Variants in LRCH1 observed in about 807,000 individuals in gnomAD.
LRCH1 encodes the protein leucine rich repeats and calponin homology domain containing 1.
Under a neutral mutation model 94.9 loss-of-function variants are expected in LRCH1, and 23 were observed. The ratio of observed to expected loss-of-function variants is 0.24; its 90% CI spans 0.17 to 0.34. The LOEUF is 0.34. Among genes scored for constraint, LRCH1 ranks in the 10% least tolerant of loss-of-function variants. The probability of loss-of-function intolerance (pLI) is 1.00; values close to 1 mark genes in which losing one functional copy is unlikely to be tolerated. For missense variants in LRCH1, 790 were observed against 945.9 expected, an observed-to-expected ratio of 0.84 and a Z score of 2.16; for synonymous variants, 364 against 354.9, an observed-to-expected ratio of 1.03 and a Z score of -0.29.
chr13:46,711,724 T>C, intron 13 of LRCH1, 67 bp from the exon 14 acceptor site: 1 of 1,213,068 alleles, frequency 8.2e-7, no homozygotes, highest in South Asian at 1.3e-5. Flanking sequence ...GTAAGAAAGA[T>C]GAATTTCTTG....
At chr13:46,751,411 T>C (rs572524677) in exon 19 of LRCH1, 4 of 152,282 alleles carry the variant, frequency 2.6e-5, no homozygotes, top group African/African-American at 9.6e-5. Context: ...CTTATTTATA[T>C]TTCTGCATTC....
chr13:46,690,749 T>G (rs1445392796), intron 7 of LRCH1, among the ~76,000 whole-genome samples: 3 of 152,222 alleles, frequency 2.0e-5, no homozygotes, highest in African/African-American at 7.2e-5. Flanking sequence ...CCTCCTTTCC[T>G]AAGTACACCT....
rs567815953 is a variant in LRCH1, at chr13:46,632,016, A to T, written c.308-18185A>T. 7.9e-5 allele frequency among the ~76,000 whole-genome samples: 12 copies of T among 152,328 alleles called. No homozygotes were observed. The South Asian group carries it at 2.1e-3, about 26-fold the overall frequency. ...CAGGAGTTCGAGACCAGCCTGGCCA[A>T]CATGGTGGAACCCCATCTCTACTAA... On this transcript the variant is annotated intron_variant, in intron 1 of 19. Coordinates refer to ENST00000389797, the MANE Select transcript of LRCH1 (RefSeq NM_001164211.2).
At chr13:46,596,541 A>G (rs367758817) in intron 1 of LRCH1, among the ~76,000 whole-genome samples, 2 of 152,238 alleles carry the variant, frequency 1.3e-5, no homozygotes, top group African/African-American at 2.4e-5. Flanking sequence ...TTATCTTAGC[A>G]TATATCTGGA....
chr13:46,676,857 A>G (rs1762968267), intron 3 of LRCH1, among the ~76,000 whole-genome samples: 1 of 152,154 alleles, frequency 6.6e-6, no homozygotes, highest in Non-Finnish European at 1.5e-5. Context: ...AGCTCACTGC[A>G]GCCTTGACCT....
chr13:46,582,964 C>T (rs968134379), intron 1 of LRCH1, among the ~76,000 whole-genome samples: 1 of 151,906 alleles, frequency 6.6e-6, no homozygotes, highest in Non-Finnish European at 1.5e-5. Context: ...TATATATAGT[C>T]AAGAGTGGAG....
intron 1 of LRCH1, among the ~76,000 whole-genome samples, chr13:46,615,791 T>C (rs932345462): frequency 4.6e-5 from 7 of 152,330 alleles, no homozygotes; most frequent in Middle Eastern, 3.4e-3. Context: ...CCAGCTATGA[T>C]AGTCTGTGTG....
chr13:46,651,920 C>A (rs1263385692), intron 2 of LRCH1, among the ~76,000 whole-genome samples: 1 of 144,866 alleles, frequency 6.9e-6, no homozygotes, highest in African/African-American at 2.6e-5. Context: ...CGGAGTCTTG[C>A]TCTGTCGCCC....
intron 3 of LRCH1, among the ~76,000 whole-genome samples, chr13:46,677,854 A>C (rs997930504): frequency 1.3e-5 from 2 of 152,212 alleles, no homozygotes; most frequent in African/African-American, 4.8e-5. Context: ...AAAAAGAATA[A>C]ATTCAGTAAA....
In LRCH1 at chr13:46,744,350, A is replaced by G; in HGVS notation, c.*2502A>G. The G allele has an allele frequency of 1.0e-6, 1 of 985,400 alleles. No individual in the cohort carries two copies. Among genetic ancestry groups the G allele is most frequent in the Non-Finnish European group, 1.2e-6 (1 of 829,924 alleles). 61.0% of individuals were successfully genotyped at this position (985,400 alleles called of 1,614,324 possible). A position where few individuals can be genotyped will look rare whatever the true frequency, so the allele number is the denominator to read the frequency against. The stretch of plus-strand genomic sequence containing the variant: ...TAAAAGGAGCCAAGTATCTATTTAC[A>G]TTTTATTTTGAAATAGCCATTTGTA... On this transcript the variant is annotated 3_prime_UTR_variant, in exon 20 of 20. Coordinates refer to ENST00000389797, the MANE Select transcript of LRCH1 (RefSeq NM_001164211.2).
intron 3 of LRCH1, among the ~76,000 whole-genome samples, chr13:46,676,954 T>C (rs2051682464): frequency 6.6e-6 from 1 of 152,018 alleles, no homozygotes; most frequent in Non-Finnish European, 1.5e-5. Flanking sequence ...ATTTTTTAAG[T>C]CTTTTTGTAG....
intron 8 of LRCH1, among the ~76,000 whole-genome samples, chr13:46,694,088 A>G (rs149495735): frequency 3.3e-5 from 5 of 152,212 alleles, no homozygotes; most frequent in Non-Finnish European, 5.9e-5. Context: ...TTATTAATTC[A>G]TATAAAGTTA....
chr13:46,591,065 T>C (rs913877504), intron 1 of LRCH1, among the ~76,000 whole-genome samples: 2 of 152,016 alleles, frequency 1.3e-5, no homozygotes, highest in African/African-American at 4.8e-5. Context: ...AGAATATCGG[T>C]GAGACAAAGT....
intron 1 of LRCH1, among the ~76,000 whole-genome samples, chr13:46,611,106 T>G (rs1303449480): frequency 6.6e-6 from 1 of 152,150 alleles, no homozygotes; most frequent in Non-Finnish European, 1.5e-5. Context: ...TTTAGGAAGC[T>G]TTAGGATAAG....
chr13:46,602,127 G>A (rs1033432186), intron 1 of LRCH1, among the ~76,000 whole-genome samples: 30 of 152,146 alleles, frequency 2.0e-4, no homozygotes, highest in African/African-American at 7.2e-4. Context: ...GTAACCTTGA[G>A]GAAACCACTT....
chr13:46,657,551 G>C, intron 2 of LRCH1, among the ~76,000 whole-genome samples: 1 of 52,680 alleles, frequency 1.9e-5, no homozygotes, highest in Non-Finnish European at 3.3e-5. Flanking sequence ...TTGAGGCAGG[G>C]TCTTGCTCTG....
chr13:46,585,071 C>G (rs2050415615), intron 1 of LRCH1, among the ~76,000 whole-genome samples: 1 of 152,168 alleles, frequency 6.6e-6, no homozygotes, highest in Non-Finnish European at 1.5e-5. Flanking sequence ...AGAAGTAGTT[C>G]TTTAAAGAAC....
intron 1 of LRCH1, among the ~76,000 whole-genome samples, chr13:46,575,502 G>A (rs2050293472): frequency 7.4e-6 from 1 of 134,532 alleles, no homozygotes; most frequent in South Asian, 2.5e-4. Context: ...TGAAAAATCT[G>A]TGCATGAATG....
At chr13:46,668,397 T>C (rs893741295) in intron 2 of LRCH1, among the ~76,000 whole-genome samples, 1 of 152,198 alleles carries the variant, frequency 6.6e-6, no homozygotes, top group Non-Finnish European at 1.5e-5. Context: ...AGACCAACTT[T>C]CCTTTCTTTC....
Sources: allele counts gnomAD v4.1 joint callset (sites outside exome capture counted in the v4.1 genomes callset), GRCh38; gene constraint gnomAD v4.1.1; transcripts MANE v1.5; gene names NCBI Gene and HGNC (gene_info 2026-07-23, HGNC 2026-07-21).